The following LAMC1 variants were observed in gnomAD, a reference collection of about 807,000 sequenced individuals.
LAMC1 encodes the protein laminin subunit gamma-1.
Under a neutral mutation model 173.6 loss-of-function variants are expected in LAMC1, and 38 were observed. The ratio of observed to expected loss-of-function variants is 0.22; its 90% confidence interval spans 0.17 to 0.29. LAMC1 has a LOEUF of 0.29. LAMC1 is among the 10% of genes least tolerant of loss of function. The pLI, the probability that LAMC1 is intolerant of heterozygous loss-of-function variation, is 1.00. For synonymous variants in LAMC1, 746 were observed against 749.1 expected, an observed-to-expected ratio of 1.00 and a Z score of 0.07; for missense variants, 1,824 against 2,051.8, an observed-to-expected ratio of 0.89 and a Z score of 2.14.
At chr1:183,033,411 A>C (rs1384253688) in intron 1 of LAMC1, among the ~76,000 whole-genome samples, 1 of 152,198 alleles carries the variant, frequency 6.6e-6, no homozygotes, top group South Asian at 2.1e-4. Flanking sequence ...TTGATGCTTC[A>C]TCGTTTGATG....
chr1:183,120,567 A>G (rs1361007013), intron 11 of LAMC1, among the ~76,000 whole-genome samples: 9 of 152,250 alleles, frequency 5.9e-5, no homozygotes, highest in African/African-American at 2.2e-4. Context: ...CGCTTTAAGC[A>G]TAAGACTGCA....
At chr1:183,089,344 G>T (rs1365155243) in intron 1 of LAMC1, among the ~76,000 whole-genome samples, 1 of 152,196 alleles carries the variant, frequency 6.6e-6, no homozygotes, top group African/African-American at 2.4e-5. Context: ...AAAGGGAAAA[G>T]CAGATTAAAG....
intron 1 of LAMC1, among the ~76,000 whole-genome samples, chr1:183,058,037 TTA>T (rs1206062517): frequency 6.6e-6 from 1 of 152,224 alleles, no homozygotes; most frequent in Non-Finnish European, 1.5e-5. Flanking sequence ...AACCATCAGT[TTA>T]TGTCATTGAG....
rs1547715 is a variant in LAMC1 at position 183,144,817 on chromosome 1, A to G, written c.*2027A>G. ...GCATCAGGAACAGTGCTACTTACTG[A>G]TGGGTAGACTGGGAGAGGTGGTGTA... On this transcript the variant is annotated 3_prime_UTR_variant, in exon 28 of 28. Coordinates refer to ENST00000258341, the MANE Select transcript of LAMC1 (RefSeq NM_002293.4). The G allele has an allele frequency of 0.53, 80,802 of 152,026 alleles. 21,975 individuals are homozygous for G. The highest frequency in any genetic ancestry group is 0.65 in the South Asian group (3,111 of 4,816). 9.4% of individuals were successfully genotyped at this position (152,026 alleles called of 1,614,324 possible).
intron 4 of LAMC1, 88 bp from the exon 5 acceptor site, chr1:183,114,443 T>C: frequency 8.0e-7 from 1 of 1,253,510 alleles, no homozygotes. Flanking sequence ...GTCTCAGAGA[T>C]GTGGGAAATT....
intron 3 of LAMC1, 72 bp from the exon 4 acceptor site, chr1:183,110,416 C>T (rs1245477562): frequency 2.1e-5 from 25 of 1,186,876 alleles, no homozygotes; most frequent in Non-Finnish European, 2.8e-5. Context: ...TCTTTGTGTA[C>T]ATAGTTTTTC....
At chr1:183,071,645 G>A (rs765882115) in intron 1 of LAMC1, among the ~76,000 whole-genome samples, 4 of 152,166 alleles carry the variant, frequency 2.6e-5, no homozygotes, top group African/African-American at 4.8e-5. Context: ...CTGCCTTCTT[G>A]TTTCAGCTGC....
rs769930796 is a variant in LAMC1 at position 183,131,293 on chromosome 1, G to A, written c.3487-6G>A. ...TTTGAGAATAAGTGCTTTATTTCCT[G>A]TGCAGTCAGTCACTCAGCCAGAATC... On this transcript the variant is annotated splice_polypyrimidine_tract_variant and splice_region_variant and intron_variant, in intron 19 of 27. Transcript: ENST00000258341. 25 of 1,607,780 alleles carry A rather than the reference G, an allele frequency of 1.6e-5. No homozygotes were observed. Among genetic ancestry groups the A allele is most frequent in the Middle Eastern group, 1.7e-4 (1 of 6,060 alleles).
intron 1 of LAMC1, among the ~76,000 whole-genome samples, chr1:183,055,806 C>T (rs920200540): frequency 1.3e-5 from 2 of 150,468 alleles, no homozygotes; most frequent in African/African-American, 4.9e-5. Flanking sequence ...AGGGAGACTC[C>T]GTCTCAAAAA....
intron 1 of LAMC1, among the ~76,000 whole-genome samples, chr1:183,069,360 G>A (rs925224034): frequency 3.9e-5 from 6 of 152,106 alleles, no homozygotes; most frequent in African/African-American, 1.2e-4. Context: ...CTAGAGAAAT[G>A]ATTAGCTATT....
chr1:183,063,405 A>G (rs562300682), intron 1 of LAMC1, among the ~76,000 whole-genome samples: 9 of 152,352 alleles, frequency 5.9e-5, no homozygotes, highest in African/African-American at 2.2e-4. Context: ...GCAAATGAAA[A>G]TAAGTTAGAA....
chr1:183,100,733 A>C (rs939661184), intron 1 of LAMC1, among the ~76,000 whole-genome samples: 4 of 152,142 alleles, frequency 2.6e-5, no homozygotes, highest in African/African-American at 9.7e-5. Context: ...AGTTGTCTGT[A>C]TGCGCCGTTG....
intron 1 of LAMC1, among the ~76,000 whole-genome samples, chr1:183,026,927 G>A (rs1480695448): frequency 6.6e-6 from 1 of 152,138 alleles, no homozygotes; most frequent in Non-Finnish European, 1.5e-5. Flanking sequence ...TAGCTGCTAA[G>A]CTCCATGCCC....
In LAMC1 at chr1:183,133,620, C is replaced by T. The variant is rs1037923437; in HGVS notation, c.3849+70C>T. 21 of 1,393,086 alleles carry T rather than the reference C, an allele frequency of 1.5e-5. No individual in the cohort carries two copies. The Admixed American group carries it at 4.5e-4, about 30-fold the overall frequency. 86.3% of individuals were successfully genotyped at this position (1,393,086 alleles called of 1,614,324 possible). A position where few individuals can be genotyped will look rare whatever the true frequency, so the allele number is the denominator to read the frequency against. On this transcript the variant is annotated intron_variant, in intron 22 of 27. Transcript: ENST00000258341. ...CAAGTCTATGTGAGAGCCGACTGCT[C>T]TGCACCTCCCTCTGTCCTCCCACTG...
At chr1:183,098,947 AAAAAG>A (rs1267614171) in intron 1 of LAMC1, among the ~76,000 whole-genome samples, 10 of 152,304 alleles carry the variant, frequency 6.6e-5, no homozygotes, top group East Asian at 3.9e-4. Flanking sequence ...TCAGAAAACA[AAAAAG>A]AAAAGAAAAG....
intron 4 of LAMC1, 114 bp downstream of exon 4, chr1:183,110,768 C>A: frequency 9.1e-7 from 1 of 1,102,022 alleles, no homozygotes; most frequent in Non-Finnish European, 1.3e-6. Context: ...GAAAGGCCAG[C>A]TTTTTGTGTA....
intron 4 of LAMC1, 131 bp downstream of exon 4, chr1:183,110,785 G>A: frequency 2.1e-6 from 2 of 936,552 alleles, no homozygotes; most frequent in Non-Finnish European, 3.3e-6. Flanking sequence ...TGTAATTTGA[G>A]TAGTATTCAA....
chr1:183,060,748 T>C (rs1654724761), intron 1 of LAMC1, among the ~76,000 whole-genome samples: 2 of 152,184 alleles, frequency 1.3e-5, no homozygotes, highest in South Asian at 4.1e-4. Context: ...TATGACCGAA[T>C]GAATGGGTGA....
intron 13 of LAMC1, 64 bp downstream of exon 13, chr1:183,122,315 G>C (rs1656499668): frequency 2.0e-6 from 3 of 1,478,472 alleles, no homozygotes; most frequent in African/African-American, 1.4e-5. Flanking sequence ...GGGGAAAGGG[G>C]CTTCGGAGTT....
Sources: gnomAD v4.1 joint callset for allele counts (sites outside exome capture counted in the v4.1 genomes callset) on GRCh38, gnomAD v4.1.1 for gene constraint, MANE v1.5 for transcripts, NCBI Gene and HGNC (gene_info 2026-07-23, HGNC 2026-07-21) for gene names.